The following PTPRA variants were observed in gnomAD, a reference collection of about 807,000 sequenced individuals.
PTPRA encodes the protein receptor-type tyrosine-protein phosphatase alpha.
A neutral mutation model predicts 104.8 loss-of-function variants in PTPRA; 25 were observed. That is an observed-to-expected ratio of 0.24 (90% CI 0.17 to 0.33). The LOEUF (loss-of-function observed/expected upper bound fraction) is 0.33. Among genes scored for constraint, PTPRA ranks in the 10% least tolerant of loss-of-function variants. The pLI, the probability that PTPRA is intolerant of heterozygous loss-of-function variation, is 1.00. For synonymous variants in PTPRA, 323 were observed against 368.9 expected (o/e 0.88, Z 1.43); for missense variants, 765 against 1,015.3 (o/e 0.75, Z 3.35).
Position 2,886,110 on chromosome 20 carries a change from G to T in PTPRA, c.-129+12350G>T, listed in dbSNP as rs190022145. ...AACATATTAATTGAACATAAGTATAGATCTTGTTTAGATCCTGTTTCATGC... is the reference window on the plus strand; with the variant it reads ...AACATATTAATTGAACATAAGTATATATCTTGTTTAGATCCTGTTTCATGC... On this transcript the variant is annotated intron_variant, in intron 1 of 23. Coordinates refer to ENST00000399903, the MANE Select transcript of PTPRA (RefSeq NM_001385305.1). 1.8e-3 allele frequency among the ~76,000 whole-genome samples: 272 copies of T among 152,214 alleles called. 8 individuals are homozygous for T. The highest frequency in any genetic ancestry group is 0.016 in the Admixed American group (237 of 15,288).
At chr20:2,884,738 A>G (rs1292424515) in intron 1 of PTPRA, among the ~76,000 whole-genome samples, 1 of 151,430 alleles carries the variant, frequency 6.6e-6, no homozygotes, top group African/African-American at 2.4e-5. Context: ...TTGCGTGGAC[A>G]TATCCTTTTG....
At chr20:2,993,607 A>G (rs1181277001) in intron 9 of PTPRA, among the ~76,000 whole-genome samples, 1 of 152,256 alleles carries the variant, frequency 6.6e-6, no homozygotes, top group Non-Finnish European at 1.5e-5. Flanking sequence ...CAGGAGTTAT[A>G]TGTTAATCTG....
In PTPRA at chr20:2,873,700, CGCGGAGCCGAG is replaced by C. The variant is rs2089502974; in HGVS notation, c.-179_-169del. 1 of 151,328 alleles carries C rather than the reference CGCGGAGCCGAG, an allele frequency of 6.6e-6. No individual in the cohort carries two copies. Among genetic ancestry groups the C allele is most frequent in the Non-Finnish European group, 1.5e-5 (1 of 67,672 alleles). The allele number at this position is 151,328 out of a possible 1,614,324, so 9.4% of individuals were successfully genotyped here. On this transcript the variant is annotated 5_prime_UTR_variant, in exon 1 of 24. Coordinates refer to ENST00000399903, the MANE Select transcript of PTPRA (RefSeq NM_001385305.1). The surrounding 1 kb of genome is among the most constrained non-coding windows in gnomAD (Gnocchi z 4.4). ...GGCTAGTGGCGGCCCGAAACGCCGC[CGCGGAGCCGAG>C]GCGGAGCCGCTGTCCTCGTCCCCAG...
intron 2 of PTPRA, among the ~76,000 whole-genome samples, chr20:2,947,570 G>A (rs2061181580): frequency 6.6e-6 from 1 of 152,062 alleles, no homozygotes; most frequent in Non-Finnish European, 1.5e-5. Context: ...AGTTTTCTAG[G>A]CTTTCATCAC....
intron 1 of PTPRA, among the ~76,000 whole-genome samples, chr20:2,918,469 TC>T (rs2059989017): frequency 6.6e-6 from 1 of 152,202 alleles, no homozygotes; most frequent in Non-Finnish European, 1.5e-5. Context: ...GCATGGGACT[TC>T]CTATGAATGG....
At chr20:2,910,099 CATATATA>C (rs1458333645) in intron 1 of PTPRA, among the ~76,000 whole-genome samples, 1 of 117,080 alleles carries the variant, frequency 8.5e-6, no homozygotes, top group East Asian at 2.2e-4. Context: ...TGATATATAA[CATATATA>C]TAATATATGA....
intron 1 of PTPRA, among the ~76,000 whole-genome samples, chr20:2,875,250 C>T (rs1411376065): frequency 6.6e-6 from 1 of 152,160 alleles, no homozygotes; most frequent in African/African-American, 2.4e-5. Flanking sequence ...TCCCACCCAG[C>T]CCCCATAAGC....
At chr20:2,962,623 A>G (rs1371333973) in intron 3 of PTPRA, among the ~76,000 whole-genome samples, 1 of 152,190 alleles carries the variant, frequency 6.6e-6, no homozygotes, top group Non-Finnish European at 1.5e-5. Context: ...GTAGTAATTG[A>G]GCTGGGTTCT....
chr20:2,954,795 C>T (rs1424375943), intron 3 of PTPRA, among the ~76,000 whole-genome samples: 1 of 152,120 alleles, frequency 6.6e-6, no homozygotes, highest in African/African-American at 2.4e-5. Context: ...TGAAGCTTTG[C>T]CCTCTGTTTC....
At chr20:2,988,161 T>G in intron 8 of PTPRA, 56 bp downstream of exon 8, 1 of 1,529,990 alleles carries the variant, frequency 6.5e-7, no homozygotes, top group Non-Finnish European at 9.0e-7. Context: ...ATCAAGAAAT[T>G]AGGAGTTTCT....
intron 1 of PTPRA, among the ~76,000 whole-genome samples, chr20:2,907,726 T>G (rs1428434572): frequency 6.6e-6 from 1 of 152,128 alleles, no homozygotes; most frequent in Non-Finnish European, 1.5e-5. Flanking sequence ...TGGCACTGAC[T>G]CCTTGAATAA....
At position 2,890,469 on chromosome 20, in the gene PTPRA, T is replaced by C. The variant is rs1408009586; in HGVS notation, c.-129+16709T>C. 2.0e-5 allele frequency among the ~76,000 whole-genome samples: 3 copies of C among 152,228 alleles called. No individual in the cohort carries two copies. In the East Asian group the frequency reaches 5.8e-4, roughly 29 times the overall value. On this transcript the variant is annotated intron_variant, in intron 1 of 23. Coordinates refer to ENST00000399903, the MANE Select transcript of PTPRA (RefSeq NM_001385305.1). ...TAAGCATTAGATAGTGCGTGGTAAA[T>C]GCTTAGCACAGTTCTTAGCACATAG... is the stretch of plus-strand genomic sequence containing the variant.
At position 2,894,988 on chromosome 20, in the gene PTPRA, CA is replaced by C. The variant is rs58817434; in HGVS notation, c.-129+21245del. ...GGCGACAGAGCGAGACTCCTTCACC[CA>C]AAAAAAAAAAAAAAAAGTAGTTTGT... On this transcript the variant is annotated intron_variant, in intron 1 of 23. Coordinates refer to ENST00000399903, the MANE Select transcript of PTPRA (RefSeq NM_001385305.1). Among the ~76,000 whole-genome samples, 725 of 104,418 alleles carry C rather than the reference CA, an allele frequency of 6.9e-3. 2 individuals are homozygous for C. Among genetic ancestry groups the C allele is most frequent in the African/African-American group, 0.011 (280 of 25,550 alleles). The allele number at this position is 104,418 out of a possible 152,430, so 68.5% of individuals were successfully genotyped here.
chr20:2,872,143 A>G (rs1888018924), upstream of PTPRA, among the ~76,000 whole-genome samples: 1 of 149,914 alleles, frequency 6.7e-6, no homozygotes. The surrounding 1 kb of genome is among the most constrained non-coding windows in gnomAD (Gnocchi z 7.9). Context: ...TGAGCCCACA[A>G]TACGGAGGAG....
At chr20:2,886,394 C>T (rs564172545) in intron 1 of PTPRA, among the ~76,000 whole-genome samples, 6 of 151,952 alleles carry the variant, frequency 3.9e-5, no homozygotes, top group Non-Finnish European at 8.8e-5. Context: ...AATTGCCATA[C>T]GTTGATAATT....
chr20:3,038,411 A>T lies in PTPRA; in HGVS notation c.*278A>T. ...TGGGCTGGATTGTGCTTTGGTTAAT[A>T]CATCTTTCCCTAAAGAAGATAAACA... On this transcript the variant is annotated 3_prime_UTR_variant, in exon 24 of 24. Coordinates refer to ENST00000399903, the MANE Select transcript of PTPRA (RefSeq NM_001385305.1). 2.9e-6 allele frequency: 1 copy of T among 347,868 alleles called. No individual in the cohort carries two copies. The highest frequency in any genetic ancestry group is 5.3e-6 in the Non-Finnish European group (1 of 187,578). The allele number at this position is 347,868 out of a possible 1,614,324, so 21.5% of individuals were successfully genotyped here.
chr20:3,015,934 A>G, intron 12 of PTPRA, 49 bp downstream of exon 12: 1 of 1,517,876 alleles, frequency 6.6e-7, no homozygotes, highest in Non-Finnish European at 9.1e-7. Context: ...TGATCACATA[A>G]TGGGTTTGGT....
intron 2 of PTPRA, among the ~76,000 whole-genome samples, chr20:2,932,134 CAG>C (rs2060529737): frequency 6.6e-6 from 1 of 152,054 alleles, no homozygotes; most frequent in Non-Finnish European, 1.5e-5. Context: ...AACCAGGAAA[CAG>C]AGAAGCTTTT....
chr20:2,892,580 T>G (rs1376696775), intron 1 of PTPRA, among the ~76,000 whole-genome samples: 1 of 152,120 alleles, frequency 6.6e-6, no homozygotes, highest in Non-Finnish European at 1.5e-5. Flanking sequence ...GGTAAATGAG[T>G]ATACTCCATG....
Sources: gnomAD v4.1 joint callset for allele counts (sites outside exome capture counted in the v4.1 genomes callset) on GRCh38, gnomAD v4.1.1 for gene constraint, Gnocchi (gnomAD v3.1) non-coding constraint, MANE v1.5 for transcripts, NCBI Gene and HGNC (gene_info 2026-07-23, HGNC 2026-07-21) for gene names.